The following RNF169 variants were observed in gnomAD, a reference collection of about 807,000 sequenced individuals.
RNF169 encodes E3 ubiquitin-protein ligase RNF169.
RNF169 carries 24 observed loss-of-function variants against 53.9 expected under a neutral mutation model. The ratio of observed to expected loss-of-function variants is 0.45; its 90% confidence interval spans 0.32 to 0.63. RNF169 has a LOEUF of 0.63. Among genes scored for constraint, RNF169 ranks in the 20% least tolerant of loss-of-function variants. The pLI, the probability that RNF169 is intolerant of heterozygous loss-of-function variation, is 0.04. For missense variants in RNF169, 883 were observed against 906.2 expected, an observed-to-expected ratio of 0.97 and a Z score of 0.33; for synonymous variants, 396 against 363.5, an observed-to-expected ratio of 1.09 and a Z score of -1.02.
intron 2 of RNF169, among the ~76,000 whole-genome samples, chr11:74,803,636 T>C (rs2035764949): frequency 6.6e-6 from 1 of 152,218 alleles, no homozygotes; most frequent in African/African-American, 2.4e-5. Flanking sequence ...ATCAATTATT[T>C]TAATCATCAC....
chr11:74,771,482 T>C (rs923379543), intron 1 of RNF169, among the ~76,000 whole-genome samples: 1 of 152,178 alleles, frequency 6.6e-6, no homozygotes, highest in African/African-American at 2.4e-5. Flanking sequence ...GGTGGGATGA[T>C]CACTTGAGGC....
At chr11:74,785,197 GATAT>G (rs201305782) in intron 1 of RNF169, among the ~76,000 whole-genome samples, 2 of 111,066 alleles carry the variant, frequency 1.8e-5, no homozygotes, top group South Asian at 2.6e-4. Context: ...ATATATATAT[GATAT>G]ATATATATGA....
At chr11:74,807,196 G>C (rs561799133) in intron 2 of RNF169, among the ~76,000 whole-genome samples, 39 of 152,202 alleles carry the variant, frequency 2.6e-4, no homozygotes, top group African/African-American at 8.4e-4. Context: ...TGCAGTACCT[G>C]CCATGGGGAC....
At chr11:74,754,043 A>G (rs1254662514) in intron 1 of RNF169, among the ~76,000 whole-genome samples, 1 of 152,142 alleles carries the variant, frequency 6.6e-6, no homozygotes, top group African/African-American at 2.4e-5. Context: ...AGGATCTGCA[A>G]CTCGTATATA....
Position 74,777,652 on chromosome 11 carries a change from A to AT in RNF169, c.503-11961dup, listed in dbSNP as rs35842788. Among the ~76,000 whole-genome samples, 749 of 146,736 alleles carry AT rather than the reference A, an allele frequency of 5.1e-3. 5 individuals carry two copies. Among genetic ancestry groups the AT allele is most frequent in the Non-Finnish European group, 8.4e-3 (553 of 65,972 alleles). ...ATCCTGTTGGTCTCGGTTGTCTTAA[A>AT]TTTTTTTTTTTTTGAGACAGGGTCT... On this transcript the variant is annotated intron_variant, in intron 1 of 5. Coordinates refer to ENST00000299563, the MANE Select transcript of RNF169 (RefSeq NM_001098638.2).
intron 1 of RNF169, among the ~76,000 whole-genome samples, chr11:74,780,860 G>A (rs759674205): frequency 4.6e-5 from 7 of 152,176 alleles, no homozygotes; most frequent in East Asian, 1.9e-4. Flanking sequence ...AGGCAAAAAC[G>A]TCAGTGGTGC....
At chr11:74,777,698 A>G (rs2035356704) in intron 1 of RNF169, among the ~76,000 whole-genome samples, 1 of 151,448 alleles carries the variant, frequency 6.6e-6, no homozygotes, top group Non-Finnish European at 1.5e-5. Context: ...CCCAGGTTGG[A>G]GTGCAGTGGC....
chr11:74,802,071 G>A (rs959377916), intron 2 of RNF169, among the ~76,000 whole-genome samples: 3 of 152,252 alleles, frequency 2.0e-5, no homozygotes, highest in South Asian at 4.1e-4. Flanking sequence ...GTTCTACAGC[G>A]CTCCCAAATT....
intron 4 of RNF169, among the ~76,000 whole-genome samples, chr11:74,830,071 G>A (rs1002397147): frequency 1.3e-5 from 2 of 152,148 alleles, no homozygotes; most frequent in African/African-American, 4.8e-5. Flanking sequence ...TGTAATGAAA[G>A]CAGCGCTCAG....
At chr11:74,810,356 T>G (rs199997971) in intron 3 of RNF169, 26 bp downstream of exon 3, 1 of 1,610,098 alleles carries the variant, frequency 6.2e-7, no homozygotes. Flanking sequence ...TTTTAATGGA[T>G]ACCTGCCTCA....
Position 74,836,558 on chromosome 11 carries a change from C to G in RNF169, c.1955C>G (p.Thr652Arg). 1 of 1,614,146 alleles carries G rather than the reference C, an allele frequency of 6.2e-7. No individual in the cohort carries two copies. Among genetic ancestry groups the G allele is most frequent in the Non-Finnish European group, 8.5e-7 (1 of 1,180,042 alleles). ...QTSGEVGLAP[T>R]DPVLREMEQK... ...AGTGGGGAGGTGGGTCTGGCCCCAA[C>G]AGACCCAGTCCTGCGAGAGATGGAG... The change falls in exon 6 of 6, where the codon ACA becomes AGA. Residue 652 changes from threonine (T) to arginine (R), a missense_variant. This residue lies in a region of RNF169 where 351 missense variants were observed against 337.3 expected (regional missense o/e 1.04). Coordinates refer to ENST00000299563, the MANE Select transcript of RNF169 (RefSeq NM_001098638.2).
chr11:74,805,506 A>G (rs746347821), intron 2 of RNF169, among the ~76,000 whole-genome samples: 1 of 152,102 alleles, frequency 6.6e-6, no homozygotes, highest in Non-Finnish European at 1.5e-5. Flanking sequence ...GTGTCATATT[A>G]TATGTAGTCT....
chr11:74,810,027 A>G (rs1039918359), intron 2 of RNF169, among the ~76,000 whole-genome samples, 157 bp from the exon 3 acceptor site: 1 of 152,398 alleles, frequency 6.6e-6, no homozygotes, highest in South Asian at 2.1e-4. Flanking sequence ...AAGTAAAAGT[A>G]GATTTACTTA....
intron 4 of RNF169, among the ~76,000 whole-genome samples, chr11:74,821,734 T>C (rs973212369): frequency 6.7e-6 from 1 of 149,386 alleles, no homozygotes; most frequent in Non-Finnish European, 1.5e-5. Flanking sequence ...ATAAAATACA[T>C]GAGTAGTTCC....
intron 1 of RNF169, among the ~76,000 whole-genome samples, chr11:74,753,445 C>T (rs1223722662): frequency 1.3e-5 from 2 of 151,976 alleles, no homozygotes; most frequent in East Asian, 1.9e-4. Flanking sequence ...CTAATAATAC[C>T]AGTTTTATAA....
At chr11:74,783,446 T>C (rs2035446272) in intron 1 of RNF169, among the ~76,000 whole-genome samples, 1 of 152,218 alleles carries the variant, frequency 6.6e-6, no homozygotes, top group Non-Finnish European at 1.5e-5. Flanking sequence ...AGTCAAAGGA[T>C]AGGCATTAAG....
At position 74,841,873 on chromosome 11, in the gene RNF169, C is replaced by T. The variant is rs1373058244; in HGVS notation, c.*5143C>T. On this transcript the variant is annotated 3_prime_UTR_variant, in exon 6 of 6. Coordinates refer to ENST00000299563, the MANE Select transcript of RNF169 (RefSeq NM_001098638.2). ...CCACCACCCTCCAAAGCTGTGCCAC[C>T]AATGAGAGCATTGGGTTCAAGTTTG... The T allele has an allele frequency of 1.3e-5, 2 of 152,242 alleles. No homozygotes were observed. The highest frequency in any genetic ancestry group is 3.8e-4 in the East Asian group (2 of 5,198). The allele number at this position is 152,242 out of a possible 1,614,324, so 9.4% of individuals were successfully genotyped here.
intron 2 of RNF169, among the ~76,000 whole-genome samples, chr11:74,797,829 G>A (rs560847749): frequency 3.5e-4 from 54 of 152,158 alleles, no homozygotes; most frequent in Non-Finnish European, 6.0e-4. Context: ...GACCCCAAAC[G>A]GAGGGACCGG....
At chr11:74,815,838 C>T (rs1409529711) in intron 3 of RNF169, among the ~76,000 whole-genome samples, 1 of 152,076 alleles carries the variant, frequency 6.6e-6, no homozygotes, top group Non-Finnish European at 1.5e-5. Flanking sequence ...TTACTTGGTA[C>T]TGATTTAATT....
Sources: allele counts gnomAD v4.1 joint callset (sites outside exome capture counted in the v4.1 genomes callset), GRCh38; gene constraint gnomAD v4.1.1; regional missense constraint gnomAD v4.1.1; transcripts MANE v1.5; gene names NCBI Gene and HGNC (gene_info 2026-07-23, HGNC 2026-07-21).